The following INSYN1 variants were observed in gnomAD, a reference collection of about 807,000 sequenced individuals.
INSYN1 encodes the protein UPF0583 protein C15orf59.
A neutral mutation model predicts 17.1 loss-of-function variants in INSYN1; 7 were observed. The ratio of observed to expected loss-of-function variants is 0.41; its 90% confidence interval spans 0.23 to 0.77. INSYN1 has a LOEUF of 0.77. Ranked by LOEUF, INSYN1 falls within the 30% of genes least tolerant of loss-of-function variation. INSYN1 has a pLI of 0.32. For missense variants in INSYN1, 339 were observed against 400.6 expected, an observed-to-expected ratio of 0.85 and a Z score of 1.31; for synonymous variants, 174 against 166.3, an observed-to-expected ratio of 1.05 and a Z score of -0.36.
rs987528884 is a variant in INSYN1, at chr15:73,753,256, C to A, written c.-1714G>T. The stretch of plus-strand genomic sequence containing the variant: ...GCCGCCCCCGGCCCGCCCCGCCGCC[C>A]CCCGCCGGACTGGCCGCCCGGGCGG... On this transcript the variant is annotated 5_prime_UTR_variant, in exon 1 of 3. Coordinates refer to ENST00000569673, the MANE Select transcript of INSYN1 (RefSeq NM_001039614.3). The surrounding 1 kb of genome is among the most constrained non-coding windows in gnomAD (Gnocchi z 4.2). Among the ~76,000 whole-genome samples, 15 of 147,126 alleles carry A rather than the reference C, an allele frequency of 1.0e-4. No individual in the cohort carries two copies. The highest frequency in any genetic ancestry group is 1.7e-4 in the Non-Finnish European group (11 of 66,332).
intron 2 of INSYN1, among the ~76,000 whole-genome samples, chr15:73,748,807 C>T (rs1378920221): frequency 1.3e-5 from 2 of 152,228 alleles, no homozygotes; most frequent in Non-Finnish European, 2.9e-5. Flanking sequence ...ACACTCCCCT[C>T]TGCCTGTCAC....
chr15:73,737,770 C>T lies in INSYN1; in HGVS notation c.*2147G>A, dbSNP rs939686779. On this transcript the variant is annotated 3_prime_UTR_variant, in exon 3 of 3. Transcript: ENST00000569673. ...CGGGGCTGGATAGCACCTCTTCAGG[C>T]AGGAGCAGTGGGTGCTGCCAGGCCT... 2 of 152,438 alleles carry T rather than the reference C, an allele frequency of 1.3e-5. No individual in the cohort carries two copies. Among genetic ancestry groups the T allele is most frequent in the East Asian group, 3.9e-4 (2 of 5,186 alleles). The allele number at this position is 152,438 out of a possible 1,614,324, so 9.4% of individuals were successfully genotyped here.
chr15:73,749,637 GT>G (rs1567037517), intron 2 of INSYN1, among the ~76,000 whole-genome samples: 1 of 152,162 alleles, frequency 6.6e-6, no homozygotes, highest in Non-Finnish European at 1.5e-5. Context: ...AGGAGGAAGC[GT>G]TCCGCAGGGG....
Position 73,735,579 on chromosome 15 carries a change from TCCTCACCCCAACACTCC to T in INSYN1, c.*4321_*4337del, listed in dbSNP as rs1407317262. ...AAAGACTGAGGCATGTTCACATGTT[TCCTCACCCCAACACTCC>T]CCTCACCCCGAAGACCCGCCTGGCT... On this transcript the variant is annotated 3_prime_UTR_variant, in exon 3 of 3. Transcript: ENST00000569673. The T allele has an allele frequency of 1.3e-5, 2 of 152,240 alleles. No homozygotes were observed. Among genetic ancestry groups the T allele is most frequent in the South Asian group, 2.1e-4 (1 of 4,814 alleles). 9.4% of individuals were successfully genotyped at this position (152,240 alleles called of 1,614,324 possible). A position where few individuals can be genotyped will look rare whatever the true frequency, so the allele number is the denominator to read the frequency against.
chr15:73,743,062 AT>A (rs1901729231), intron 2 of INSYN1, among the ~76,000 whole-genome samples: 1 of 152,132 alleles, frequency 6.6e-6, no homozygotes, highest in East Asian at 1.9e-4. Flanking sequence ...ATGCCCTCAA[AT>A]GAGACTCCCC....
rs1901590076 is a variant in INSYN1, at chr15:73,738,435, G to C, written c.*1482C>G. 6.6e-6 allele frequency: 1 copy of C among 152,284 alleles called. No individual in the cohort carries two copies. The highest frequency in any genetic ancestry group is 1.5e-5 in the Non-Finnish European group (1 of 68,086). 9.4% of individuals were successfully genotyped at this position (152,284 alleles called of 1,614,324 possible). On this transcript the variant is annotated 3_prime_UTR_variant, in exon 3 of 3. Transcript: ENST00000569673. The stretch of plus-strand genomic sequence containing the variant: ...ACAGTGGCTCACGCCTGTAATCCCG[G>C]GACTTTGGGAGGCTGAGGCTGACGA...
chr15:73,742,616 T>G (rs937650257), intron 2 of INSYN1, among the ~76,000 whole-genome samples: 2 of 152,130 alleles, frequency 1.3e-5, no homozygotes, highest in Admixed American at 1.3e-4. Flanking sequence ...CACACCATCA[T>G]GAAGTGCTGC....
chr15:73,748,909 A>G (rs1901906170), intron 2 of INSYN1, among the ~76,000 whole-genome samples: 1 of 152,186 alleles, frequency 6.6e-6, no homozygotes, highest in African/African-American at 2.4e-5. Flanking sequence ...AGGCAGTGGC[A>G]TACGGGGTAG....
intron 2 of INSYN1, 42 bp from the exon 3 acceptor site, chr15:73,740,684 G>A: frequency 6.6e-7 from 1 of 1,523,746 alleles, no homozygotes; most frequent in East Asian, 2.3e-5. Context: ...GGCCAGGTGG[G>A]TCCCTGCATC....
At position 73,752,780 on chromosome 15, in the gene INSYN1, G is replaced by T. The variant is rs1247418569; in HGVS notation, c.-1238C>A. 6.6e-6 allele frequency: 1 copy of T among 151,728 alleles called. No individual in the cohort carries two copies. Among genetic ancestry groups the T allele is most frequent in the Non-Finnish European group, 1.5e-5 (1 of 67,876 alleles). 9.4% of individuals were successfully genotyped at this position (151,728 alleles called of 1,614,324 possible). A position where few individuals can be genotyped will look rare whatever the true frequency, so the allele number is the denominator to read the frequency against. Reference sequence around the variant, plus strand: ...GTTCCGAAAGGTCCGGAATCCACCGGGTCCCCGAGGAGGGGCGATGTCAGC... The same window carrying T: ...GTTCCGAAAGGTCCGGAATCCACCGTGTCCCCGAGGAGGGGCGATGTCAGC... On this transcript the variant is annotated 5_prime_UTR_variant, in exon 1 of 3. Transcript: ENST00000569673. The surrounding 1 kb of genome is among the most constrained non-coding windows in gnomAD (Gnocchi z 5.2).
At chr15:73,743,369 G>A (rs1261966705) in intron 2 of INSYN1, among the ~76,000 whole-genome samples, 1 of 152,214 alleles carries the variant, frequency 6.6e-6, no homozygotes, top group Non-Finnish European at 1.5e-5. Context: ...CTGGGGGGAT[G>A]GAGGAAAGAG....
chr15:73,751,216 G>C lies in INSYN1; in HGVS notation c.-86C>G. ...GCCTCCACGGAGCCCCCCTCGGCTG[G>C]GCAGAGCTCCACATTTTAACGGCCC... On this transcript the variant is annotated 5_prime_UTR_variant, in exon 2 of 3. Transcript: ENST00000569673. 1 of 1,511,180 alleles carries C rather than the reference G, an allele frequency of 6.6e-7. No individual in the cohort carries two copies. Among genetic ancestry groups the C allele is most frequent in the South Asian group, 1.2e-5 (1 of 84,512 alleles). The allele number at this position is 1,511,180 out of a possible 1,614,324, so 93.6% of individuals were successfully genotyped here. A position where few individuals can be genotyped will look rare whatever the true frequency, so the allele number is the denominator to read the frequency against.
In INSYN1 at chr15:73,746,026, G is replaced by A. The variant is rs149876199; in HGVS notation, c.156+4949C>T. Among the ~76,000 whole-genome samples the A allele has an allele frequency of 2.7e-3, 306 of 115,028 alleles. 2 individuals are homozygous for A. The East Asian group carries it at 0.039, about 15-fold the overall frequency. The allele number at this position is 115,028 out of a possible 152,430, so 75.5% of individuals were successfully genotyped here. ...CCCAGAACCAGCATCCTGTACCCCC[G>A]GACCCCCCACCACACCCCCCACCCT... On this transcript the variant is annotated intron_variant, in intron 2 of 2. Transcript: ENST00000569673.
chr15:73,744,629 T>C (rs550342224), intron 2 of INSYN1, among the ~76,000 whole-genome samples: 1 of 152,324 alleles, frequency 6.6e-6, no homozygotes, highest in Admixed American at 6.5e-5. Flanking sequence ...CTGCTTTGGA[T>C]GTCTTGAAAT....
In INSYN1 at chr15:73,739,154, G is replaced by A. The variant is rs1901606848; in HGVS notation, c.*763C>T. On this transcript the variant is annotated 3_prime_UTR_variant, in exon 3 of 3. Transcript: ENST00000569673. The stretch of plus-strand genomic sequence containing the variant: ...TAGGGCCACGCCAGGACTGGCTGAG[G>A]CTTTGCCCTGAGGTTTTGGTCTTGG... 3 of 152,428 alleles carry A rather than the reference G, an allele frequency of 2.0e-5. No individual in the cohort carries two copies. The South Asian group carries it at 6.2e-4, about 31-fold the overall frequency. 9.4% of individuals were successfully genotyped at this position (152,428 alleles called of 1,614,324 possible).
chr15:73,747,887 T>G (rs1339522984), intron 2 of INSYN1, among the ~76,000 whole-genome samples: 1 of 152,154 alleles, frequency 6.6e-6, no homozygotes, highest in Non-Finnish European at 1.5e-5. Context: ...AATTTTAGCT[T>G]TCAAAGCACT....
chr15:73,742,684 ACTT>A (rs969511251), intron 2 of INSYN1, among the ~76,000 whole-genome samples: 8 of 152,052 alleles, frequency 5.3e-5, no homozygotes, highest in African/African-American at 1.7e-4. Flanking sequence ...CAATCTGGCT[ACTT>A]CTTCTTGTGC....
At position 73,740,035 on chromosome 15, in the gene INSYN1, G is replaced by C; in HGVS notation, c.764C>G (p.Ala255Gly). Residue 255 changes from alanine to glycine, a missense_variant, in exon 3 of 3, where the codon GCC (alanine) becomes GGC (glycine). Coordinates refer to ENST00000569673, the MANE Select transcript of INSYN1 (RefSeq NM_001039614.3). ...CGTGACCCTTCGAGTCTGTTCAGGG[G>C]CCAAGGTAGAGCCTGAGTGGCGGCT... ...LTSRHSGSTL[A>G]PEQTRRVTRN... 1 of 1,613,690 alleles carries C rather than the reference G, an allele frequency of 6.2e-7. No homozygotes were observed. The highest frequency in any genetic ancestry group is 8.5e-7 in the Non-Finnish European group (1 of 1,179,900).
Position 73,740,622 on chromosome 15 carries a change from C to T in INSYN1, c.177G>A (p.Lys59=). ...ELREVVSQID[K]LTSDFDFELE... ...GTTCAAAGTCGAAGTCCGAGGTTAG[C>T]TTATCGATCTGGCTCACCACCTGAC... is the stretch of plus-strand genomic sequence containing the variant. The change falls in exon 3 of 3, where the codon AAG becomes AAA. Residue 59 remains lysine (K), a synonymous_variant. Coordinates refer to ENST00000569673, the MANE Select transcript of INSYN1 (RefSeq NM_001039614.3). 1.2e-6 allele frequency: 2 copies of T among 1,611,116 alleles called. No individual in the cohort carries two copies. Among genetic ancestry groups the T allele is most frequent in the East Asian group, 2.2e-5 (1 of 44,840 alleles).
Sources: allele counts gnomAD v4.1 joint callset (sites outside exome capture counted in the v4.1 genomes callset), GRCh38; gene constraint gnomAD v4.1.1; non-coding constraint Gnocchi (gnomAD v3.1); transcripts MANE v1.5; gene names NCBI Gene and HGNC (gene_info 2026-07-23, HGNC 2026-07-21).